Variants in NXPE1 observed in about 807,000 individuals in gnomAD.
NXPE1 encodes the protein neurexophilin and PC-esterase domain family member 1, also known as NXPE family member 1.
Under a neutral mutation model 33.3 loss-of-function variants are expected in NXPE1, and 31 were observed. The ratio of observed to expected loss-of-function variants is 0.93; its 90% confidence interval spans 0.70 to 1.26. The LOEUF (loss-of-function observed/expected upper bound fraction) is 1.26. Ranked by LOEUF, NXPE1 falls within the 50% of genes most tolerant of loss-of-function variation. NXPE1 has a pLI of 0.00. For synonymous variants in NXPE1, 229 were observed against 231.4 expected (o/e 0.99, Z 0.09); for missense variants, 661 against 655.6 (o/e 1.01, Z -0.09).
At chr11:114,543,214 G>A (rs894304513) in intron 5 of NXPE1, among the ~76,000 whole-genome samples, 4 of 152,050 alleles carry the variant, frequency 2.6e-5, no homozygotes, top group Non-Finnish European at 4.4e-5. Context: ...AAATTAGTTG[G>A]GCATGGTGGC....
chr11:114,534,064 C>T (rs905493818), intron 5 of NXPE1, among the ~76,000 whole-genome samples: 3 of 152,156 alleles, frequency 2.0e-5, no homozygotes, highest in Non-Finnish European at 4.4e-5. Flanking sequence ...CCTCACACTG[C>T]CGGGTACTCC....
chr11:114,521,729 C>A (rs553245342), exon 9 of NXPE1: 4 of 427,180 alleles, frequency 9.4e-6, no homozygotes, highest in South Asian at 1.1e-4. Context: ...TTTTAAAAAA[C>A]TTTTTTAATA....
intron 8 of NXPE1, among the ~76,000 whole-genome samples, 173 bp downstream of exon 8, chr11:114,522,706 G>C (rs1947251572): frequency 6.6e-6 from 1 of 152,044 alleles, no homozygotes; most frequent in Admixed American, 6.6e-5. Context: ...TTTAAAAGAA[G>C]ACCAACATTT....
chr11:114,522,396 C>A, exon 9 of NXPE1: 1 of 1,613,948 alleles, frequency 6.2e-7, no homozygotes, highest in East Asian at 2.2e-5. Flanking sequence ...TGGAAAGTGA[C>A]GAAGGGATAG....
exon 6 of NXPE1, chr11:114,530,176 T>G: frequency 6.3e-7 from 1 of 1,599,248 alleles, no homozygotes; most frequent in Non-Finnish European, 8.5e-7. Flanking sequence ...TATACTCACC[T>G]GTGGAAAAGG....
At chr11:114,527,764 G>T (rs1265886994) in intron 7 of NXPE1, 76 bp downstream of exon 7, 14 of 948,588 alleles carry the variant, frequency 1.5e-5, no homozygotes, top group Non-Finnish European at 2.1e-5. Flanking sequence ...TGCTCCAGGA[G>T]AACTACAATT....
chr11:114,540,837 CTTTTT>C (rs142403291), intron 5 of NXPE1, among the ~76,000 whole-genome samples: 5 of 47,460 alleles, frequency 1.1e-4, no homozygotes, highest in East Asian at 8.9e-4. Flanking sequence ...AGAAAGCCAT[CTTTTT>C]TTTTTTTTTT....
chr11:114,527,056 T>C (rs1189209152), intron 7 of NXPE1: 1 of 152,228 alleles, frequency 6.6e-6, no homozygotes, highest in African/African-American at 2.4e-5. Context: ...CATTGCAAGC[T>C]AACTGAGCAT....
chr11:114,554,297 G>A, intron 1 of NXPE1: 1 of 980,726 alleles, frequency 1.0e-6, no homozygotes, highest in Non-Finnish European at 1.2e-6. Context: ...TGTAAGCAGA[G>A]GCCATGTGTG....
chr11:114,522,976 T>C (rs774590217), exon 8 of NXPE1: 2 of 1,613,764 alleles, frequency 1.2e-6, no homozygotes, highest in South Asian at 2.2e-5. Context: ...TTATCTTAAT[T>C]GTGTCTAACT....
At chr11:114,549,536 A>C (rs574747946) in intron 5 of NXPE1, among the ~76,000 whole-genome samples, 51 of 152,212 alleles carry the variant, frequency 3.4e-4, no homozygotes, top group African/African-American at 1.1e-3. Flanking sequence ...TGACAAAATT[A>C]GTACTGATTC....
chr11:114,538,561 A>G (rs977783473), intron 5 of NXPE1, among the ~76,000 whole-genome samples: 5 of 152,350 alleles, frequency 3.3e-5, no homozygotes, highest in Middle Eastern at 3.4e-3. Flanking sequence ...AGAATCTACA[A>G]TGAACTCAAA....
intron 1 of NXPE1, among the ~76,000 whole-genome samples, chr11:114,555,506 T>A (rs1300671004): frequency 2.0e-5 from 3 of 152,222 alleles, no homozygotes; most frequent in African/African-American, 7.2e-5. Context: ...ATTACAGGCG[T>A]GAGCCACCAC....
intron 6 of NXPE1, chr11:114,529,481 G>A (rs1947495883): frequency 6.6e-6 from 1 of 152,234 alleles, no homozygotes; most frequent in East Asian, 1.9e-4. Flanking sequence ...TGAGTCGGGG[G>A]AGAAAAGCAT....
exon 6 of NXPE1, chr11:114,530,502 G>A: frequency 1.2e-6 from 2 of 1,613,938 alleles, no homozygotes; most frequent in Non-Finnish European, 1.7e-6. Context: ...CCAGAACAGA[G>A]TGAAGCTGAC....
chr11:114,532,711 CTG>C (rs1378597273), intron 5 of NXPE1, among the ~76,000 whole-genome samples: 2 of 152,076 alleles, frequency 1.3e-5, no homozygotes, highest in Non-Finnish European at 2.9e-5. Context: ...CTCTTTCTCT[CTG>C]TGTGTATGTG....
intron 5 of NXPE1, among the ~76,000 whole-genome samples, chr11:114,546,196 T>C (rs1255350069): frequency 6.6e-6 from 1 of 152,202 alleles, no homozygotes; most frequent in Non-Finnish European, 1.5e-5. Flanking sequence ...ATATAAGCAC[T>C]GTACTCTCAG....
chr11:114,521,911 A>G, exon 9 of NXPE1: 2 of 1,278,662 alleles, frequency 1.6e-6, no homozygotes, highest in Non-Finnish European at 2.2e-6. Context: ...ACTTTACAAT[A>G]CATGTGGGAT....
chr11:114,537,576 A>G (rs10790020), intron 5 of NXPE1, among the ~76,000 whole-genome samples: 90,879 of 151,952 alleles, frequency 0.6, 28,966 homozygotes, highest in African/African-American at 0.84. Flanking sequence ...AAGCAACTTC[A>G]GCAAAGTCTC....
Sources: gnomAD v4.1 joint callset for allele counts (sites outside exome capture counted in the v4.1 genomes callset) on GRCh38, gnomAD v4.1.1 for gene constraint, MANE v1.5 for transcripts, NCBI Gene and HGNC (gene_info 2026-07-23, HGNC 2026-07-21) for gene names.